Variants in SLCO6A1 observed in about 807,000 individuals in gnomAD.
SLCO6A1 encodes the protein cancer/testis antigen 48.
SLCO6A1 carries 65 observed loss-of-function variants against 72.7 expected under a neutral mutation model. The ratio of observed to expected loss-of-function variants is 0.89; its 90% CI spans 0.73 to 1.10. SLCO6A1 has a LOEUF of 1.10. Among genes scored for constraint, SLCO6A1 ranks in the 50% least tolerant of loss-of-function variants. The pLI is 0.00. For synonymous variants in SLCO6A1, 314 were observed against 298.2 expected, an observed-to-expected ratio of 1.05 and a Z score of -0.55; for missense variants, 874 against 872.6, an observed-to-expected ratio of 1.00 and a Z score of -0.02.
intron 2 of SLCO6A1, among the ~76,000 whole-genome samples, chr5:102,479,174 G>C (rs1407549809): frequency 6.6e-6 from 1 of 152,116 alleles, no homozygotes; most frequent in African/African-American, 2.4e-5. Flanking sequence ...TCTCGTGATA[G>C]TGAGTGAGTT....
At chr5:102,387,556 T>A (rs1378631477) in intron 12 of SLCO6A1, among the ~76,000 whole-genome samples, 2 of 152,208 alleles carry the variant, frequency 1.3e-5, no homozygotes, top group Non-Finnish European at 2.9e-5. Flanking sequence ...TCATTTTGAC[T>A]TTTTTGATTT....
chr5:102,434,692 T>C (rs1749407803), intron 7 of SLCO6A1, among the ~76,000 whole-genome samples: 1 of 152,168 alleles, frequency 6.6e-6, no homozygotes, highest in South Asian at 2.1e-4. Flanking sequence ...CAAGCTGAAG[T>C]AGGTTTAAAG....
intron 4 of SLCO6A1, among the ~76,000 whole-genome samples, chr5:102,467,523 G>A (rs563424194): frequency 1.4e-3 from 213 of 152,216 alleles, no homozygotes; most frequent in Middle Eastern, 3.4e-3. Flanking sequence ...AGTACAGTAT[G>A]AGGGAAACTG....
intron 4 of SLCO6A1, 35 bp downstream of exon 4, chr5:102,475,662 C>T: frequency 7.1e-7 from 1 of 1,407,140 alleles, no homozygotes; most frequent in Non-Finnish European, 9.8e-7. Context: ...GTATTTTATA[C>T]AATGTAAACA....
chr5:102,386,876 T>TA (rs1286167337), intron 12 of SLCO6A1, among the ~76,000 whole-genome samples: 2 of 152,334 alleles, frequency 1.3e-5, no homozygotes, highest in East Asian at 3.9e-4. Flanking sequence ...GGTTCTTGCT[T>TA]AGAGTTCATT....
At chr5:102,388,662 T>C (rs1448448719) in intron 12 of SLCO6A1, 26 bp downstream of exon 12, 46 of 1,431,616 alleles carry the variant, frequency 3.2e-5, no homozygotes, top group Non-Finnish European at 4.3e-5. Flanking sequence ...TTTATTTCTC[T>C]AAGTTTTTTA....
chr5:102,498,375 C>A, intron 1 of SLCO6A1, 112 bp downstream of exon 1: 1 of 1,048,604 alleles, frequency 9.5e-7, no homozygotes, highest in Non-Finnish European at 1.4e-6. Context: ...GCTGGGCCAC[C>A]CCAGGGCATG....
At chr5:102,457,282 C>A (rs1391857081) in intron 6 of SLCO6A1, among the ~76,000 whole-genome samples, 1 of 83,600 alleles carries the variant, frequency 1.2e-5, no homozygotes, top group Non-Finnish European at 2.7e-5. Flanking sequence ...AGCTTCTCCA[C>A]AGCAAAAGAA....
intron 6 of SLCO6A1, among the ~76,000 whole-genome samples, chr5:102,458,110 T>G (rs541260447): frequency 4.0e-5 from 6 of 150,766 alleles, no homozygotes; most frequent in South Asian, 2.1e-4. Context: ...GTGGGGTGGG[T>G]GGAGGGGGGA....
chr5:102,467,760 TTTTG>T (rs1393288600), intron 4 of SLCO6A1, among the ~76,000 whole-genome samples: 4 of 152,126 alleles, frequency 2.6e-5, no homozygotes, highest in Non-Finnish European at 5.9e-5. Flanking sequence ...GGTCTATATA[TTTTG>T]TTTATCTTTT....
At chr5:102,373,601 G>A in intron 12 of SLCO6A1, 107 bp from the exon 13 acceptor site, 1 of 712,660 alleles carries the variant, frequency 1.4e-6, no homozygotes, top group Non-Finnish European at 2.0e-6. Flanking sequence ...ACCTATAAAG[G>A]TATAAATTTC....
intron 12 of SLCO6A1, among the ~76,000 whole-genome samples, chr5:102,386,606 CT>C (rs1328777197): frequency 6.6e-6 from 1 of 152,006 alleles, no homozygotes; most frequent in East Asian, 1.9e-4. Context: ...GTGCCTCAGG[CT>C]GCAAGTTCCC....
At chr5:102,442,696 T>A (rs560273090) in intron 6 of SLCO6A1, among the ~76,000 whole-genome samples, 37 of 152,308 alleles carry the variant, frequency 2.4e-4, no homozygotes, top group Non-Finnish European at 4.6e-4. Flanking sequence ...ATGCAATTTA[T>A]CATAAGGTTA....
intron 9 of SLCO6A1, among the ~76,000 whole-genome samples, chr5:102,412,786 A>G (rs912393907): frequency 7.9e-5 from 12 of 152,080 alleles, no homozygotes; most frequent in African/African-American, 2.9e-4. Context: ...ACCAAAAAAA[A>G]AAAACAAATT....
chr5:102,458,522 C>A, intron 5 of SLCO6A1, 31 bp from the exon 6 acceptor site: 2 of 1,501,706 alleles, frequency 1.3e-6, no homozygotes, highest in East Asian at 2.3e-5. Flanking sequence ...AAACTTATGA[C>A]ATATTCAAAT....
chr5:102,399,432 T>A, intron 10 of SLCO6A1, 123 bp downstream of exon 10: 1 of 602,798 alleles, frequency 1.7e-6, no homozygotes, highest in South Asian at 8.6e-5. Flanking sequence ...TTTAACAACT[T>A]TTCCTCTGCA....
At chr5:102,387,678 T>C (rs775497726) in intron 12 of SLCO6A1, among the ~76,000 whole-genome samples, 10 of 152,182 alleles carry the variant, frequency 6.6e-5, no homozygotes, top group Non-Finnish European at 1.0e-4. Context: ...TACTCTTAAA[T>C]ATTAAAGTCT....
chr5:102,413,226 T>C (rs1294500203), intron 8 of SLCO6A1, 83 bp from the exon 9 acceptor site: 7 of 1,283,314 alleles, frequency 5.5e-6, no homozygotes, highest in East Asian at 2.7e-5. Context: ...GTGAGATCCA[T>C]AAAATATGCT....
intron 13 of SLCO6A1, among the ~76,000 whole-genome samples, 153 bp downstream of exon 13, chr5:102,373,182 AAC>A (rs1237767211): frequency 5.3e-5 from 8 of 151,916 alleles, no homozygotes; most frequent in Non-Finnish European, 1.0e-4. Context: ...AAAAATTTTA[AAC>A]ACAGACTATA....
Sources: gnomAD v4.1 joint callset for allele counts (sites outside exome capture counted in the v4.1 genomes callset) on GRCh38, gnomAD v4.1.1 for gene constraint, MANE v1.5 for transcripts, NCBI Gene and HGNC (gene_info 2026-07-23, HGNC 2026-07-21) for gene names.